STXBP5L: variants seen among roughly 807,000 people sequenced by gnomAD.
STXBP5L encodes the protein syntaxin-binding protein 5-like.
A neutral mutation model predicts 144.5 loss-of-function variants in STXBP5L; 65 were observed. The observed-to-expected ratio is 0.45, with a 90% CI of 0.37 to 0.55. The LOEUF (loss-of-function observed/expected upper bound fraction) is 0.55, where lower values mean the gene tolerates loss of function less well. Among genes scored for constraint, STXBP5L ranks in the 20% least tolerant of loss-of-function variants. The pLI, the probability that STXBP5L is intolerant of heterozygous loss-of-function variation, is 0.00. For missense variants in STXBP5L, 1,298 were observed against 1,405.5 expected, an observed-to-expected ratio of 0.92 and a Z score of 1.22; for synonymous variants, 505 against 469.6, an observed-to-expected ratio of 1.08 and a Z score of -0.97.
At position 121,279,882 on chromosome 3, in the gene STXBP5L, T is replaced by A; in HGVS notation, c.2036T>A (p.Ile679Asn). 6.2e-7 allele frequency: 1 copy of A among 1,612,724 alleles called. No individual in the cohort carries two copies. The highest frequency in any genetic ancestry group is 8.5e-7 in the Non-Finnish European group (1 of 1,178,988). Residue 679 changes from isoleucine to asparagine, a missense_variant, in exon 19 of 27, where the codon ATT becomes AAT. Coordinates refer to ENST00000471454, the MANE Select transcript of STXBP5L (RefSeq NM_001308330.2). ...ACAGTACTGTTAAGCATGGGGACCA[T>A]TGACCTATATAGATCAAGTGACTTA... ...QKTVLLSMGT[I>N]DLYRSSDLYQ...
At chr3:121,381,262 T>G (rs1479691829) in intron 21 of STXBP5L, 31 bp from the exon 22 acceptor site, 7 of 1,477,228 alleles carry the variant, frequency 4.7e-6, no homozygotes, top group Non-Finnish European at 6.3e-6. Flanking sequence ...TACTAACAAT[T>G]TGTGTGGTTT....
At chr3:120,951,458 GAAA>G (rs1196329286) in intron 2 of STXBP5L, among the ~76,000 whole-genome samples, 9 of 149,618 alleles carry the variant, frequency 6.0e-5, no homozygotes, top group Non-Finnish European at 9.0e-5. Flanking sequence ...AAATTTACAA[GAAA>G]AAAACAAACA....
intron 16 of STXBP5L, 30 bp from the exon 17 acceptor site, chr3:121,257,129 CTT>C: frequency 6.6e-7 from 1 of 1,505,386 alleles, no homozygotes; most frequent in Non-Finnish European, 9.1e-7. Context: ...ATTAGTGTGA[CTT>C]AAATTAAATT....
At chr3:121,232,321 A>G (rs2049335416) in intron 11 of STXBP5L, among the ~76,000 whole-genome samples, 1 of 152,170 alleles carries the variant, frequency 6.6e-6, no homozygotes, top group Non-Finnish European at 1.5e-5. Context: ...GGAGGTTGAC[A>G]AGGCTCCCTA....
chr3:121,375,334 C>A (rs1349313450), intron 20 of STXBP5L, among the ~76,000 whole-genome samples: 1 of 152,164 alleles, frequency 6.6e-6, no homozygotes, highest in African/African-American at 2.4e-5. Flanking sequence ...AAGCCTGGAT[C>A]TCAGTGTGCA....
chr3:121,339,176 T>A (rs2044618126), intron 20 of STXBP5L, among the ~76,000 whole-genome samples: 1 of 152,050 alleles, frequency 6.6e-6, no homozygotes, highest in African/African-American at 2.4e-5. Flanking sequence ...TTCAACAAAA[T>A]ACTAGCAAAC....
chr3:121,279,076 A>G (rs1323859269), intron 18 of STXBP5L, among the ~76,000 whole-genome samples: 3 of 151,908 alleles, frequency 2.0e-5, no homozygotes, highest in African/African-American at 7.2e-5. Context: ...TATGAAGCAA[A>G]AAGTACCGAC....
chr3:121,094,364 C>T (rs571536707), intron 5 of STXBP5L, among the ~76,000 whole-genome samples: 45 of 152,184 alleles, frequency 3.0e-4, no homozygotes, highest in African/African-American at 1.0e-3. Context: ...CTAATGTTGA[C>T]AGTGGGGTGT....
At chr3:121,024,701 G>A (rs1442463828) in intron 3 of STXBP5L, among the ~76,000 whole-genome samples, 1 of 152,036 alleles carries the variant, frequency 6.6e-6, no homozygotes, top group African/African-American at 2.4e-5. Flanking sequence ...AGTAGAAAAC[G>A]TTAAGAGGTT....
intron 10 of STXBP5L, among the ~76,000 whole-genome samples, chr3:121,217,650 G>A (rs912293557): frequency 3.2e-4 from 49 of 152,160 alleles, no homozygotes; most frequent in Admixed American, 1.5e-3. Flanking sequence ...CCCAGATTCC[G>A]CTTCACTTTC....
In STXBP5L at chr3:121,238,975, C is replaced by T; in HGVS notation, c.1189C>T (p.Pro397Ser). 1 of 1,583,768 alleles carries T rather than the reference C, an allele frequency of 6.3e-7. No homozygotes were observed. Among genetic ancestry groups the T allele is most frequent in the Non-Finnish European group, 8.6e-7 (1 of 1,163,412 alleles). The change falls in exon 13 of 27, where the codon CCA becomes TCA. Residue 397 changes from proline (P) to serine (S), a missense_variant. Transcript: ENST00000471454. ...IVVDLTQSNF[P>S]IFENPYPMDI... ...TATATTGTCTTTATCTATTAGTTTT[C>T]CAATCTTTGAAAATCCATATCCCAT...
chr3:121,160,768 T>G (rs985586953), intron 9 of STXBP5L, among the ~76,000 whole-genome samples: 1 of 152,202 alleles, frequency 6.6e-6, no homozygotes, highest in Non-Finnish European at 1.5e-5. Flanking sequence ...TTTTTCCCTC[T>G]TTCCTCTTTT....
intron 18 of STXBP5L, 114 bp from the exon 19 acceptor site, chr3:121,279,691 C>A: frequency 7.9e-7 from 1 of 1,272,696 alleles, no homozygotes. Context: ...CAAATCACTG[C>A]CCAACTTCCC....
At chr3:121,194,259 T>A (rs76021051) in intron 9 of STXBP5L, among the ~76,000 whole-genome samples, 1 of 152,126 alleles carries the variant, frequency 6.6e-6, no homozygotes, top group Non-Finnish European at 1.5e-5. Context: ...TTTGTTATAG[T>A]CATTTCAAAG....
In STXBP5L at chr3:121,391,598, G is replaced by C. The variant is rs745599292; in HGVS notation, c.2587+10066G>C. 1.3e-4 allele frequency among the ~76,000 whole-genome samples: 20 copies of C among 151,742 alleles called. 1 individual carries two copies. The highest frequency in any genetic ancestry group is 9.8e-4 in the Admixed American group (15 of 15,246). On this transcript the variant is annotated intron_variant, in intron 22 of 26. Transcript: ENST00000471454. The stretch of plus-strand genomic sequence containing the variant: ...TGTAGATGACCTTTTTGTTGATGTT[G>C]ATGCTATTCCTGTCTGTTAGTTTTC...
chr3:121,217,922 C>G (rs927193694), intron 10 of STXBP5L, among the ~76,000 whole-genome samples: 18 of 149,100 alleles, frequency 1.2e-4, no homozygotes, highest in Non-Finnish European at 7.4e-5. Context: ...GTTGGATTCT[C>G]AACAGTATTC....
chr3:121,013,448 ATGT>A (rs1174188446), intron 3 of STXBP5L, among the ~76,000 whole-genome samples: 4 of 151,960 alleles, frequency 2.6e-5, no homozygotes, highest in South Asian at 2.1e-4. Context: ...ATGATTAGTG[ATGT>A]TGAGCATTTT....
intron 3 of STXBP5L, among the ~76,000 whole-genome samples, chr3:121,032,337 G>A (rs534956546): frequency 1.3e-5 from 2 of 151,802 alleles, no homozygotes; most frequent in East Asian, 1.9e-4. Flanking sequence ...TGATTATAAA[G>A]TCAAATATTG....
intron 3 of STXBP5L, among the ~76,000 whole-genome samples, chr3:121,007,186 A>G (rs925138353): frequency 1.3e-5 from 2 of 152,132 alleles, no homozygotes; most frequent in African/African-American, 4.8e-5. Context: ...ATGTTAAACT[A>G]CATTAATTTT....
Sources: allele counts gnomAD v4.1 joint callset (sites outside exome capture counted in the v4.1 genomes callset), GRCh38; gene constraint gnomAD v4.1.1; transcripts MANE v1.5; gene names NCBI Gene and HGNC (gene_info 2026-07-23, HGNC 2026-07-21).